MAGT1: variants seen among roughly 807,000 people sequenced by gnomAD.
MAGT1 encodes the protein dolichyl-diphosphooligosaccharide--protein glycosyltransferase subunit MAGT1.
Under a neutral mutation model 28.4 loss-of-function variants are expected in MAGT1, and 4 were observed. That is an observed-to-expected ratio of 0.14 (90% CI 0.07 to 0.32). MAGT1 has a LOEUF of 0.32. Ranked by LOEUF, MAGT1 falls within the 10% of genes least tolerant of loss-of-function variation. The pLI is 1.00. For synonymous variants in MAGT1, 89 were observed against 89.7 expected, an observed-to-expected ratio of 0.99 and a Z score of 0.04; for missense variants, 193 against 264.5, an observed-to-expected ratio of 0.73 and a Z score of 1.88.
In MAGT1 at chrX:77,855,388, T is replaced by G; in HGVS notation, c.762+113A>C. Reference sequence around the variant, plus strand: ...GGAAGCTTGTTAACACAAGAGAGATTGAAAAGTGAAGACTAAATCCAGCTC... The same window carrying G: ...GGAAGCTTGTTAACACAAGAGAGATGGAAAAGTGAAGACTAAATCCAGCTC... On this transcript the variant is annotated intron_variant, in intron 6 of 9. Transcript: ENST00000618282. 8 of 543,857 alleles carry G rather than the reference T, an allele frequency of 1.5e-5. No individual in the cohort carries two copies. The South Asian group carries it at 2.1e-4, about 14-fold the overall frequency. 44.8% of individuals were successfully genotyped at this position (543,857 alleles called of 1,213,427 possible).
intron 7 of MAGT1, among the ~76,000 whole-genome samples, chrX:77,845,951 C>T (rs1253367031): frequency 1.8e-5 from 2 of 110,702 alleles, no homozygotes; most frequent in African/African-American, 3.3e-5. Flanking sequence ...TTGTGGCGTT[C>T]TCTGTATCTC....
intron 1 of MAGT1, among the ~76,000 whole-genome samples, chrX:77,875,976 G>C (rs1311607397): frequency 9.8e-6 from 1 of 102,091 alleles, no homozygotes; most frequent in East Asian, 3.1e-4. Flanking sequence ...GAATACACAC[G>C]TGTTCCACCA....
intron 1 of MAGT1, among the ~76,000 whole-genome samples, chrX:77,879,951 G>A (rs964977888): frequency 9.7e-6 from 1 of 102,797 alleles, no homozygotes; most frequent in Admixed American, 1.1e-4. Context: ...TGATTCTCGT[G>A]CCTCAGCCTC....
intron 8 of MAGT1, among the ~76,000 whole-genome samples, chrX:77,835,732 T>C (rs2076915492): frequency 9.0e-6 from 1 of 111,528 alleles, no homozygotes; most frequent in African/African-American, 3.3e-5. Context: ...ACGTGGTACA[T>C]ATATACAATG....
upstream of MAGT1, chrX:77,895,448 C>T (rs1227822185): frequency 4.2e-6 from 5 of 1,201,937 alleles, no homozygotes; most frequent in South Asian, 1.8e-5. Context: ...AACTTTGCTC[C>T]GGCTAGGTCT....
rs1422616467 is a variant in MAGT1, at chrX:77,882,742, G to A, written c.103-7145C>T. Reference sequence around the variant, plus strand: ...TGCACTTTGGGAGGCTGAGGAGTGAGGACTGCTTGAGCCCTGGAGTTCGAG... The same window carrying A: ...TGCACTTTGGGAGGCTGAGGAGTGAAGACTGCTTGAGCCCTGGAGTTCGAG... On this transcript the variant is annotated intron_variant, in intron 1 of 9. Coordinates refer to ENST00000618282, the MANE Select transcript of MAGT1 (RefSeq NM_001367916.1). 4.6e-5 allele frequency among the ~76,000 whole-genome samples: 5 copies of A among 109,250 alleles called. No homozygotes were observed. In the South Asian group the frequency reaches 1.9e-3, roughly 41 times the overall value. The allele number at this position is 109,250 out of a possible 115,157, so 94.9% of individuals were successfully genotyped here. A position where few individuals can be genotyped will look rare whatever the true frequency, so the allele number is the denominator to read the frequency against.
At chrX:77,858,051 C>T (rs2076985710) in intron 3 of MAGT1, among the ~76,000 whole-genome samples, 2 of 111,680 alleles carry the variant, frequency 1.8e-5, no homozygotes. Context: ...AAGACAACAC[C>T]GGAAATACTA....
At chrX:77,882,523 TAC>T (rs1350540451) in intron 1 of MAGT1, among the ~76,000 whole-genome samples, 3 of 111,851 alleles carry the variant, frequency 2.7e-5, no homozygotes, top group African/African-American at 6.5e-5. Flanking sequence ...AACAGGTATT[TAC>T]ACAGTTTTAC....
At chrX:77,872,332 C>T (rs948525613) in intron 2 of MAGT1, among the ~76,000 whole-genome samples, 6 of 111,520 alleles carry the variant, frequency 5.4e-5, no homozygotes, top group Middle Eastern at 4.6e-3. Flanking sequence ...TGTGAGCCAC[C>T]GTGCCCGGCC....
At chrX:77,836,650 T>C (rs1191511265) in intron 8 of MAGT1, among the ~76,000 whole-genome samples, 2 of 112,066 alleles carry the variant, frequency 1.8e-5, no homozygotes, top group Non-Finnish European at 3.8e-5. Context: ...CGCCTGTAAA[T>C]CACAGCATTT....
At chrX:77,830,530 G>A (rs1220067006) in intron 9 of MAGT1, among the ~76,000 whole-genome samples, 2 of 110,592 alleles carry the variant, frequency 1.8e-5, no homozygotes, top group Non-Finnish European at 3.8e-5. Context: ...CAGGAGAATC[G>A]CTTGAACCCG....
intron 3 of MAGT1, among the ~76,000 whole-genome samples, chrX:77,865,515 G>A (rs1211138104): frequency 4.6e-5 from 5 of 108,004 alleles, no homozygotes; most frequent in African/African-American, 1.7e-4. Context: ...GGATGGTCTC[G>A]ATATCCTGAC....
intron 2 of MAGT1, among the ~76,000 whole-genome samples, chrX:77,873,922 C>A (rs1252129630): frequency 9.0e-6 from 1 of 110,922 alleles, no homozygotes; most frequent in Admixed American, 9.7e-5. Context: ...CTGAAAACCA[C>A]CATTCTACTC....
intron 3 of MAGT1, among the ~76,000 whole-genome samples, chrX:77,865,977 G>A (rs190584521): frequency 0.05 from 3,278 of 65,261 alleles, 352 homozygotes; most frequent in African/African-American, 0.11. Flanking sequence ...CCAACATGGC[G>A]AAACCCCTGT....
In MAGT1 at chrX:77,866,002, A is replaced by T. The variant is rs888242419; in HGVS notation, c.390+4806T>A. On this transcript the variant is annotated intron_variant, in intron 3 of 9. Transcript: ENST00000618282. ...GAAACCCCTGTCTCTACTAAAAATT[A>T]AAAAAAATTAGCCAGGTGTGGTGGC... 4.3e-4 allele frequency among the ~76,000 whole-genome samples: 28 copies of T among 65,243 alleles called. 4 individuals carry two copies. The highest frequency in any genetic ancestry group is 9.2e-4 in the African/African-American group (26 of 28,233). 56.7% of individuals were successfully genotyped at this position (65,243 alleles called of 115,157 possible). A position where few individuals can be genotyped will look rare whatever the true frequency, so the allele number is the denominator to read the frequency against.
chrX:77,830,955 A>G (rs1315941187), intron 8 of MAGT1, 60 bp from the exon 9 acceptor site: 3 of 422,041 alleles, frequency 7.1e-6, no homozygotes, highest in Non-Finnish European at 1.1e-5. Context: ...TAACCATGGC[A>G]GTCTATACTT....
At chrX:77,895,227 AG>A in intron 1 of MAGT1, 81 bp downstream of exon 1, 2 of 1,060,213 alleles carry the variant, frequency 1.9e-6, no homozygotes, top group Non-Finnish European at 2.6e-6. Context: ...CGGCAGGGAA[AG>A]GGGGCTGGGA....
At chrX:77,846,049 CTT>C (rs1557214885) in intron 7 of MAGT1, among the ~76,000 whole-genome samples, 1 of 112,086 alleles carries the variant, frequency 8.9e-6, no homozygotes, top group African/African-American at 3.2e-5. Context: ...GTTCCATTCT[CTT>C]TGTCACTTTC....
chrX:77,894,881 TCTAA>T (rs1448997781), intron 1 of MAGT1, among the ~76,000 whole-genome samples: 3 of 111,985 alleles, frequency 2.7e-5, no homozygotes, highest in Admixed American at 9.5e-5. Flanking sequence ...CACTCTTTGG[TCTAA>T]CTCTCACACT....
Sources: allele counts gnomAD v4.1 joint callset (sites outside exome capture counted in the v4.1 genomes callset), GRCh38; gene constraint gnomAD v4.1.1; transcripts MANE v1.5; gene names NCBI Gene and HGNC (gene_info 2026-07-23, HGNC 2026-07-21).